The following NFRKB variants were observed in gnomAD, a reference collection of about 807,000 sequenced individuals.
NFRKB encodes nuclear factor related to kappa-B-binding protein.
NFRKB carries 62 observed loss-of-function variants against 135.7 expected under a neutral mutation model. The observed-to-expected ratio is 0.46, with a 90% confidence interval of 0.37 to 0.56. NFRKB has a LOEUF of 0.56. Among genes scored for constraint, NFRKB ranks in the 20% least tolerant of loss-of-function variants. The probability of loss-of-function intolerance (pLI) is 0.00; values close to 1 mark genes in which losing one functional copy is unlikely to be tolerated. For missense variants in NFRKB, 1,545 were observed against 1,662.0 expected (o/e 0.93, Z 1.22); for synonymous variants, 678 against 635.6 (o/e 1.07, Z -1.00).
Position 129,869,774 on chromosome 11 carries a change from G to C in NFRKB, c.3251C>G (p.Pro1084Arg), listed in dbSNP as rs1203556045. ...KSTVASSEAK[P>R]AATIRIVQGL... ...CTGCACGATGCGGATCGTGGCAGCTGGTTTTGCTTCTGAAGAGGCCACTGT... is the reference window on the plus strand; with the variant it reads ...CTGCACGATGCGGATCGTGGCAGCTCGTTTTGCTTCTGAAGAGGCCACTGT... Residue 1084 changes from proline to arginine, a missense_variant, in exon 24 of 27, where the codon CCA becomes CGA. Pro to Arg is a moderately radical substitution (Grantham distance 103). Transcript: ENST00000682444. 1.2e-6 allele frequency: 2 copies of C among 1,614,248 alleles called. No homozygotes were observed. The highest frequency in any genetic ancestry group is 1.7e-6 in the Non-Finnish European group (2 of 1,180,052).
Position 129,885,417 on chromosome 11 carries a change from G to A in NFRKB, c.640+18C>T, listed in dbSNP as rs749474662. 1.5e-5 allele frequency: 24 copies of A among 1,587,782 alleles called. No individual in the cohort carries two copies. The highest frequency in any genetic ancestry group is 1.9e-5 in the Non-Finnish European group (22 of 1,161,116). On this transcript the variant is annotated intron_variant, in intron 6 of 26. Coordinates refer to ENST00000682444, the MANE Select transcript of NFRKB (RefSeq NM_001143835.2). Reference sequence around the variant, plus strand: ...CCATCCAATACCCCAGCTACCCCAAGTGCCCGAGGACACTCACCCTCTTCA... The same window carrying A: ...CCATCCAATACCCCAGCTACCCCAAATGCCCGAGGACACTCACCCTCTTCA...
chr11:129,886,291 T>C (rs747276813), intron 5 of NFRKB, 26 bp downstream of exon 5: 14 of 1,601,428 alleles, frequency 8.7e-6, no homozygotes, highest in African/African-American at 2.7e-5. Flanking sequence ...GCCCACATTT[T>C]ATATCCAGTT....
At chr11:129,888,935 T>C (rs1482551667) in intron 3 of NFRKB, 140 bp from the exon 4 acceptor site, 7 of 615,904 alleles carry the variant, frequency 1.1e-5, no homozygotes, top group African/African-American at 9.3e-5. Flanking sequence ...TGGCCTTAAG[T>C]GCATTCACAT....
Position 129,864,405 on chromosome 11 carries a change from C to CT in NFRKB, c.*319dup. The CT allele has an allele frequency of 3.3e-6, 1 of 304,742 alleles. No individual in the cohort carries two copies. Among genetic ancestry groups the CT allele is most frequent in the Admixed American group, 4.4e-5 (1 of 22,802 alleles). The allele number at this position is 304,742 out of a possible 1,614,324, so 18.9% of individuals were successfully genotyped here. ...CCTATTCGCTGTGTGCACTCTGCAA[C>CT]TGGTAAGCCTTCCCTGGGGGTCTTA... On this transcript the variant is annotated 3_prime_UTR_variant, in exon 27 of 27. Coordinates refer to ENST00000682444, the MANE Select transcript of NFRKB (RefSeq NM_001143835.2).
rs769659969 is a variant in NFRKB at position 129,864,869 on chromosome 11, G to A, written c.3775-19C>T. On this transcript the variant is annotated intron_variant, in intron 26 of 26. Transcript: ENST00000682444. ...TGCGCACCTGTTTGCAAAGACAGAA[G>A]GTCAGGTCAATGGATTGCAAGCGGG... The A allele has an allele frequency of 6.2e-7, 1 of 1,614,202 alleles. No individual in the cohort carries two copies. The highest frequency in any genetic ancestry group is 8.5e-7 in the Non-Finnish European group (1 of 1,180,024).
intron 3 of NFRKB, among the ~76,000 whole-genome samples, chr11:129,889,399 T>C (rs1949431310): frequency 6.6e-6 from 1 of 152,112 alleles, no homozygotes; most frequent in African/African-American, 2.4e-5. Context: ...GGAAGCCACC[T>C]CTGCCAACGA....
intron 6 of NFRKB, 79 bp from the exon 7 acceptor site, chr11:129,884,925 G>C: frequency 6.2e-7 from 1 of 1,606,936 alleles, no homozygotes; most frequent in Non-Finnish European, 8.5e-7. Context: ...GGCCATTTGG[G>C]TTCAACAAGG....
At position 129,895,568 on chromosome 11, in the gene NFRKB, G is replaced by C. The variant is rs1438946356; in HGVS notation, c.-174C>G. 6.6e-6 allele frequency: 1 copy of C among 152,230 alleles called. No homozygotes were observed. Among genetic ancestry groups the C allele is most frequent in the Non-Finnish European group, 1.5e-5 (1 of 68,090 alleles). The allele number at this position is 152,230 out of a possible 1,614,324, so 9.4% of individuals were successfully genotyped here. ...CGGGCTCCCAGACGCACTCGCTCCC[G>C]CAAGGAGTCTGGGTGCGCGCACGCT... On this transcript the variant is annotated 5_prime_UTR_variant, in exon 1 of 27. Transcript: ENST00000682444.
chr11:129,887,959 C>T (rs942576826), intron 4 of NFRKB, among the ~76,000 whole-genome samples: 12 of 152,154 alleles, frequency 7.9e-5, no homozygotes, highest in Non-Finnish European at 1.5e-4. Flanking sequence ...ATGGCGTGAA[C>T]GCGGGAGGCA....
intron 3 of NFRKB, among the ~76,000 whole-genome samples, chr11:129,891,731 T>C (rs1359455890): frequency 3.3e-5 from 5 of 152,226 alleles, no homozygotes; most frequent in Admixed American, 2.6e-4. Context: ...AAATTATTAA[T>C]GTAAACCAAA....
Position 129,876,864 on chromosome 11 carries a change from G to A in NFRKB, c.1604C>T (p.Ala535Val). The A allele has an allele frequency of 1.2e-6, 2 of 1,614,118 alleles. No homozygotes were observed. The highest frequency in any genetic ancestry group is 1.7e-6 in the Non-Finnish European group (2 of 1,180,014). Residue 535 changes from alanine (A) to valine (V), a missense_variant, in exon 17 of 27, where the codon GCG (alanine) becomes GTG (valine). By Grantham distance (64) the Ala-to-Val change is moderately conservative. This residue lies in a region of NFRKB where 114 missense variants were observed against 211.0 expected (regional missense o/e 0.54). Transcript: ENST00000682444. ...ERYRYSQPHK[A>V]FTFRMHGFES... ...AAAGCCGTGCATGCGAAAGGTGAAC[G>A]CCTTATGGGGTTGGCTATACCTGTA...
intron 4 of NFRKB, among the ~76,000 whole-genome samples, chr11:129,887,898 G>A (rs1201204667): frequency 5.3e-5 from 8 of 152,306 alleles, no homozygotes; most frequent in South Asian, 2.1e-4. Context: ...TTAGCCAGGC[G>A]TGGTGGCGGG....
chr11:129,881,001 G>A (rs1477816616), intron 13 of NFRKB, among the ~76,000 whole-genome samples: 1 of 152,052 alleles, frequency 6.6e-6, no homozygotes, highest in Non-Finnish European at 1.5e-5. Flanking sequence ...ACACTAAGTG[G>A]GCTTTATAAA....
At chr11:129,873,138 G>A (rs1948597240) in intron 22 of NFRKB, 42 bp from the exon 23 acceptor site, 1 of 1,497,198 alleles carries the variant, frequency 6.7e-7, no homozygotes, top group South Asian at 1.3e-5. Flanking sequence ...TAGACTCTAA[G>A]ATGCAGACCA....
At chr11:129,895,082 C>G (rs1235421635) in intron 1 of NFRKB, among the ~76,000 whole-genome samples, 1 of 152,234 alleles carries the variant, frequency 6.6e-6, no homozygotes, top group East Asian at 1.9e-4. Flanking sequence ...TTCGGGCGTT[C>G]TGAACCTCTT....
intron 1 of NFRKB, 147 bp downstream of exon 1, chr11:129,895,349 G>C (rs1158709769): frequency 6.7e-6 from 1 of 148,406 alleles, no homozygotes; most frequent in Non-Finnish European, 1.5e-5. Context: ...CTAACCCCCA[G>C]CCTCACGCGT....
chr11:129,872,362 C>T (rs964807746), intron 23 of NFRKB, among the ~76,000 whole-genome samples: 1 of 152,130 alleles, frequency 6.6e-6, no homozygotes, highest in Non-Finnish European at 1.5e-5. Flanking sequence ...CATTTCTCCA[C>T]CTGTAAATAA....
intron 6 of NFRKB, 68 bp from the exon 7 acceptor site, chr11:129,884,914 T>C (rs1466386804): frequency 6.2e-7 from 1 of 1,611,014 alleles, no homozygotes; most frequent in Non-Finnish European, 8.5e-7. Context: ...ATTGGGTAAG[T>C]GGCCATTTGG....
chr11:129,867,155 C>G (rs1203375484), intron 24 of NFRKB, among the ~76,000 whole-genome samples: 1 of 152,126 alleles, frequency 6.6e-6, no homozygotes, highest in Non-Finnish European at 1.5e-5. Context: ...CTTCCTGCCC[C>G]ACCAAATGCT....
Sources: allele counts gnomAD v4.1 joint callset (sites outside exome capture counted in the v4.1 genomes callset), GRCh38; gene constraint gnomAD v4.1.1; regional missense constraint gnomAD v4.1.1; transcripts MANE v1.5; gene names NCBI Gene and HGNC (gene_info 2026-07-23, HGNC 2026-07-21).